Variants in TMEM132D observed in about 807,000 individuals in gnomAD.
The protein encoded by TMEM132D is mature OL transmembrane protein.
A neutral mutation model predicts 62.3 loss-of-function variants in TMEM132D; 21 were observed. The ratio of observed to expected loss-of-function variants is 0.34; its 90% CI spans 0.24 to 0.49. TMEM132D has a LOEUF of 0.49. Ranked by LOEUF, TMEM132D falls within the 20% of genes least tolerant of loss-of-function variation. TMEM132D has a pLI of 0.99. For synonymous variants in TMEM132D, 621 were observed against 575.6 expected (o/e 1.08, Z -1.13); for missense variants, 1,346 against 1,402.8 (o/e 0.96, Z 0.65).
rs543635934 is a variant in TMEM132D at position 129,226,078 on chromosome 12, C to G, written c.1300-16415G>C. Among the ~76,000 whole-genome samples, 6 of 152,276 alleles carry G rather than the reference C, an allele frequency of 3.9e-5. No homozygotes were observed. In the East Asian group the frequency reaches 1.2e-3, roughly 29 times the overall value. The stretch of plus-strand genomic sequence containing the variant: ...TTTTATGAGTGGTTTGAGGGACTTT[C>G]AAGGGTGATGTTGATTGCGTGTTAT... On this transcript the variant is annotated intron_variant, in intron 4 of 8. Coordinates refer to ENST00000422113, the MANE Select transcript of TMEM132D (RefSeq NM_133448.3).
chr12:129,621,822 G>A (rs1879078898), intron 2 of TMEM132D, among the ~76,000 whole-genome samples: 2 of 152,312 alleles, frequency 1.3e-5, no homozygotes, highest in Middle Eastern at 3.4e-3. Flanking sequence ...GGCAGGTTTC[G>A]AACCCAGGTG....
intron 3 of TMEM132D, among the ~76,000 whole-genome samples, chr12:129,393,953 A>G (rs1476095604): frequency 1.3e-5 from 2 of 152,120 alleles, no homozygotes; most frequent in Non-Finnish European, 2.9e-5. Flanking sequence ...CATCCACCCC[A>G]CTGTCAAGTA....
At chr12:129,487,216 A>C (rs906411067) in intron 3 of TMEM132D, among the ~76,000 whole-genome samples, 1 of 152,140 alleles carries the variant, frequency 6.6e-6, no homozygotes, top group Non-Finnish European at 1.5e-5. Context: ...CAAGGCGTGA[A>C]ACTGTACCTG....
intron 1 of TMEM132D, among the ~76,000 whole-genome samples, chr12:129,754,712 C>G (rs1870108891): frequency 6.6e-6 from 1 of 152,104 alleles, no homozygotes; most frequent in African/African-American, 2.4e-5. Context: ...GTGCTTTTTA[C>G]TTAAGGAGCC....
At chr12:129,248,626 G>C (rs1352974188) in intron 4 of TMEM132D, among the ~76,000 whole-genome samples, 1 of 151,950 alleles carries the variant, frequency 6.6e-6, no homozygotes, top group Non-Finnish European at 1.5e-5. Context: ...TTGGGTCATG[G>C]GGGTTTGTTG....
chr12:129,655,945 A>G (rs1347558071), intron 2 of TMEM132D, among the ~76,000 whole-genome samples: 1 of 152,186 alleles, frequency 6.6e-6, no homozygotes, highest in African/African-American at 2.4e-5. Flanking sequence ...TGAAGTGACC[A>G]AACTTCTCTT....
At chr12:129,146,601 G>A (rs1362482197) in intron 5 of TMEM132D, among the ~76,000 whole-genome samples, 1 of 152,100 alleles carries the variant, frequency 6.6e-6, no homozygotes, top group Non-Finnish European at 1.5e-5. Context: ...CACATTACCT[G>A]TCCAGACTCA....
intron 1 of TMEM132D, among the ~76,000 whole-genome samples, chr12:129,719,947 G>T (rs928405212): frequency 1.3e-5 from 2 of 152,030 alleles, no homozygotes; most frequent in Non-Finnish European, 2.9e-5. Flanking sequence ...TTTTATGAGT[G>T]ATCTGGGTGC....
At chr12:129,833,499 C>T (rs1224507689) in intron 1 of TMEM132D, among the ~76,000 whole-genome samples, 1 of 152,078 alleles carries the variant, frequency 6.6e-6, no homozygotes, top group East Asian at 1.9e-4. Context: ...GTGGTGTGCA[C>T]CTGTAGTCCC....
rs1874458481 is a variant in TMEM132D at position 129,081,810 on chromosome 12, C to T, written c.1872G>A (p.Leu624=). 1.9e-6 allele frequency: 3 copies of T among 1,613,096 alleles called. No homozygotes were observed. Among genetic ancestry groups the T allele is most frequent in the Admixed American group, 3.3e-5 (2 of 59,938 alleles). Residue 624 remains leucine (L), a synonymous_variant, in exon 7 of 9, where the codon CTG becomes CTA. Transcript: ENST00000422113. ...MQVEEPRIAK[L]QGGQILMGQE... ...GCCCCATCAGGATCTGTCCGCCTTGCAGCTTGGCGATCCTGGGCTCCTCCA... is the reference window on the plus strand; with the variant it reads ...GCCCCATCAGGATCTGTCCGCCTTGTAGCTTGGCGATCCTGGGCTCCTCCA...
rs1870613815 is a variant in TMEM132D at position 129,371,854 on chromosome 12, T to C, written c.1116-34037A>G. On this transcript the variant is annotated intron_variant, in intron 3 of 8. Transcript: ENST00000422113. The surrounding 1 kb of genome is among the most constrained non-coding windows in gnomAD (Gnocchi z 4.3). Reference sequence around the variant, plus strand: ...TCCCCATGTTTCTTGCTGTGTCACATCCATGAGTTGTGAGGCATGTTCTGG... The same window carrying C: ...TCCCCATGTTTCTTGCTGTGTCACACCCATGAGTTGTGAGGCATGTTCTGG... 1.3e-5 allele frequency among the ~76,000 whole-genome samples: 2 copies of C among 152,192 alleles called. No individual in the cohort carries two copies. The highest frequency in any genetic ancestry group is 6.5e-5 in the Admixed American group (1 of 15,280).
intron 3 of TMEM132D, among the ~76,000 whole-genome samples, chr12:129,448,014 G>A (rs909605683): frequency 1.1e-4 from 16 of 152,100 alleles, no homozygotes; most frequent in African/African-American, 2.4e-4. Flanking sequence ...CGTCTGTGGC[G>A]TTTTCAGCGT....
intron 4 of TMEM132D, among the ~76,000 whole-genome samples, chr12:129,222,869 A>G (rs1879382756): frequency 6.6e-6 from 1 of 152,040 alleles, no homozygotes; most frequent in South Asian, 2.1e-4. Context: ...AATATATCAC[A>G]TACTTGAAAT....
At chr12:129,483,908 C>T (rs919833868) in intron 3 of TMEM132D, among the ~76,000 whole-genome samples, 3 of 152,224 alleles carry the variant, frequency 2.0e-5, no homozygotes, top group African/African-American at 7.2e-5. Context: ...CCTGCCAAAA[C>T]ATATGTATAC....
intron 3 of TMEM132D, among the ~76,000 whole-genome samples, chr12:129,364,778 A>G (rs1195503023): frequency 6.6e-6 from 1 of 152,196 alleles, no homozygotes; most frequent in Non-Finnish European, 1.5e-5. Context: ...ACAATCGGAA[A>G]GGTCTCTGCA....
chr12:129,447,424 C>T (rs56389653), intron 3 of TMEM132D, among the ~76,000 whole-genome samples: 21 of 152,018 alleles, frequency 1.4e-4, no homozygotes, highest in Non-Finnish European at 2.8e-4. Flanking sequence ...TAGAAGGGAG[C>T]CCTAAACACA....
At chr12:129,487,037 G>A (rs532236174) in intron 3 of TMEM132D, among the ~76,000 whole-genome samples, 4 of 151,888 alleles carry the variant, frequency 2.6e-5, no homozygotes, top group East Asian at 2.0e-4. Context: ...CGTATGGGGG[G>A]GGGGGTTGTG....
At chr12:129,143,275 T>C (rs930395629) in intron 5 of TMEM132D, among the ~76,000 whole-genome samples, 4 of 152,072 alleles carry the variant, frequency 2.6e-5, no homozygotes, top group Non-Finnish European at 1.5e-5. Flanking sequence ...CTTACTTACA[T>C]TTACCGGGAT....
chr12:129,697,452 C>A (rs752064936), intron 2 of TMEM132D, among the ~76,000 whole-genome samples: 2 of 152,178 alleles, frequency 1.3e-5, no homozygotes, highest in Non-Finnish European at 2.9e-5. Context: ...TGAGACTCAT[C>A]CATAATCAGA....
Sources: gnomAD v4.1 joint callset for allele counts (sites outside exome capture counted in the v4.1 genomes callset) on GRCh38, gnomAD v4.1.1 for gene constraint, Gnocchi (gnomAD v3.1) non-coding constraint, MANE v1.5 for transcripts, NCBI Gene and HGNC (gene_info 2026-07-23, HGNC 2026-07-21) for gene names.